Variants in ARHGEF1 observed in about 807,000 individuals in gnomAD.
The protein encoded by ARHGEF1 is Rho guanine nucleotide exchange factor 1, also known as 115 kDa guanine nucleotide exchange factor.
Under a neutral mutation model 119.7 loss-of-function variants are expected in ARHGEF1, and 40 were observed. The ratio of observed to expected loss-of-function variants is 0.33; its 90% CI spans 0.26 to 0.44. The LOEUF is 0.44. ARHGEF1 is among the 20% of genes least tolerant of loss of function. The probability of loss-of-function intolerance (pLI) is 1.00; values close to 1 mark genes in which losing one functional copy is unlikely to be tolerated. For synonymous variants in ARHGEF1, 494 were observed against 521.0 expected (o/e 0.95, Z 0.71); for missense variants, 976 against 1,268.3 (o/e 0.77, Z 3.50).
chr19:41,897,908 G>A (rs1390390333), intron 13 of ARHGEF1: 6 of 1,281,962 alleles, frequency 4.7e-6, no homozygotes, highest in Non-Finnish European at 4.9e-6. Flanking sequence ...CTCTGTCCCC[G>A]GCATCTGCCT....
At position 41,903,588 on chromosome 19, in the gene ARHGEF1, C is replaced by T. The variant is rs1010541956; in HGVS notation, c.1840-119C>T. The stretch of plus-strand genomic sequence containing the variant: ...CTCTCAGGGTCATTGGAGGTCAGGC[C>T]CAACCCTCAGCTTGCCCGCATCAGA... On this transcript the variant is annotated intron_variant, in intron 19 of 28. Coordinates refer to ENST00000354532, the MANE Select transcript of ARHGEF1 (RefSeq NM_004706.4). The surrounding 1 kb of genome is among the most constrained non-coding windows in gnomAD (Gnocchi z 4.2). The T allele has an allele frequency of 5.8e-6, 7 of 1,210,908 alleles. No homozygotes were observed. Among genetic ancestry groups the T allele is most frequent in the Non-Finnish European group, 8.2e-6 (7 of 848,900 alleles). The allele number at this position is 1,210,908 out of a possible 1,614,324, so 75.0% of individuals were successfully genotyped here.
downstream of ARHGEF1, chr19:41,908,106 C>T: frequency 1.4e-6 from 1 of 711,480 alleles, no homozygotes; most frequent in Non-Finnish European, 1.9e-6. The surrounding 1 kb of genome is among the most constrained non-coding windows in gnomAD (Gnocchi z 6.7). Flanking sequence ...GAGACTGGGG[C>T]AGCAATGTGC....
At chr19:41,897,768 T>A in intron 13 of ARHGEF1, 1 of 548,196 alleles carries the variant, frequency 1.8e-6, no homozygotes, top group Non-Finnish European at 2.9e-6. Flanking sequence ...TCTGTCCCTG[T>A]CCTCGTCTCT....
At chr19:41,922,402 G>A (rs554040283), upstream of ARHGEF1, among the ~76,000 whole-genome samples, 12 of 152,276 alleles carry the variant, frequency 7.9e-5, no homozygotes, top group Non-Finnish European at 1.6e-4. Context: ...TAGGGATGGA[G>A]CCGAGAGCTA....
downstream of ARHGEF1, among the ~76,000 whole-genome samples, chr19:41,911,907 T>C: frequency 6.7e-6 from 1 of 148,860 alleles, no homozygotes; most frequent in Admixed American, 6.7e-5. Context: ...CAGAATTCAC[T>C]CATGTGCACA....
At chr19:41,912,700 G>A (rs1431961657) in intron 18 of ARHGEF1, among the ~76,000 whole-genome samples, 1 of 152,158 alleles carries the variant, frequency 6.6e-6, no homozygotes, top group Non-Finnish European at 1.5e-5. Flanking sequence ...AAGTTTCTCA[G>A]AAGGGGTTTG....
Position 41,903,263 on chromosome 19 carries a change from C to T in ARHGEF1, c.1739-44C>T, listed in dbSNP as rs369061467. On this transcript the variant is annotated intron_variant, in intron 18 of 28. Transcript: ENST00000354532. The surrounding 1 kb of genome is among the most constrained non-coding windows in gnomAD (Gnocchi z 4.2). ...ACCTTGGCTGCCCAATCTGGAGCCT[C>T]CAGGGCAGGGGTTCACCAGAGCTGC... 1.1e-4 allele frequency: 179 copies of T among 1,583,550 alleles called. No individual in the cohort carries two copies. The African/African-American group carries it at 2.2e-3, about 19-fold the overall frequency.
chr19:41,907,638 G>A (rs998914302), downstream of ARHGEF1: 1 of 482,304 alleles, frequency 2.1e-6, no homozygotes, highest in East Asian at 3.9e-5. Context: ...GGTATGAGGC[G>A]TCTCCCTGAC....
intron 13 of ARHGEF1, chr19:41,897,721 C>T: frequency 2.2e-6 from 1 of 452,226 alleles, no homozygotes; most frequent in Non-Finnish European, 3.8e-6. Flanking sequence ...GTCCTGGTCT[C>T]TCCCTGTCTC....
rs782642615 is a variant in ARHGEF1 at position 41,896,390 on chromosome 19, C to G, written c.1029C>G (p.Pro343=). Residue 343 remains proline, a synonymous_variant, in exon 13 of 29, where the codon CCC becomes CCG. Transcript: ENST00000354532. ...TCCACCCCACAGGTGCTGACGCCCC[C>G]CTGGAGCTGGGGGACTCATCCCCGC... ...SPDREPGADA[P]LELGDSSPQG... is the part of the protein sequence containing the mutation. The G allele has an allele frequency of 7.0e-5, 101 of 1,438,306 alleles. No homozygotes were observed. The highest frequency in any genetic ancestry group is 7.7e-5 in the Non-Finnish European group (84 of 1,094,250). The allele number at this position is 1,438,306 out of a possible 1,614,324, so 89.1% of individuals were successfully genotyped here. A position where few individuals can be genotyped will look rare whatever the true frequency, so the allele number is the denominator to read the frequency against.
chr19:41,907,764 G>C, downstream of ARHGEF1: 1 of 195,110 alleles, frequency 5.1e-6, no homozygotes, highest in Non-Finnish European at 1.0e-5. Flanking sequence ...TTGGGATCAT[G>C]GGGAGCTGGT....
At chr19:41,884,317 G>T in intron 1 of ARHGEF1, 1 of 1,182,778 alleles carries the variant, frequency 8.5e-7, no homozygotes, top group Non-Finnish European at 1.2e-6. Flanking sequence ...GAGTCGTCGG[G>T]GCCGGAGCCC....
chr19:41,907,352 C>T lies in ARHGEF1; in HGVS notation c.*265C>T. 2 of 1,534,902 alleles carry T rather than the reference C, an allele frequency of 1.3e-6. No homozygotes were observed. Among genetic ancestry groups the T allele is most frequent in the South Asian group, 1.2e-5 (1 of 83,932 alleles). On this transcript the variant is annotated 3_prime_UTR_variant, in exon 29 of 29. Transcript: ENST00000354532. ...GGTGACCCGGGCCATCTCAGTATTG[C>T]CTGTGGGGGCCACCCCTCCACCCCC...
intron 13 of ARHGEF1, chr19:41,896,769 C>T (rs1599647437): frequency 1.8e-6 from 1 of 570,770 alleles, no homozygotes; most frequent in Non-Finnish European, 3.3e-6. Flanking sequence ...CTCCACCACT[C>T]CTTCCATCTC....
At chr19:41,918,360 A>G (rs1262385115), upstream of ARHGEF1, among the ~76,000 whole-genome samples, 1 of 150,188 alleles carries the variant, frequency 6.7e-6, no homozygotes, top group Non-Finnish European at 1.5e-5. Context: ...CCATACACAC[A>G]CCATACCACA....
rs782777862 is a variant in ARHGEF1, at chr19:41,898,624, A to G, written c.1267+37A>G. The G allele has an allele frequency of 2.5e-6, 4 of 1,568,968 alleles. No individual in the cohort carries two copies. The East Asian group carries it at 9.4e-5, about 37-fold the overall frequency. ...CCCCATCACCCCACTGTGGCCAAGGACACAGTCCAGCTCTGGCAAAGGCAA... is the reference window on the plus strand; with the variant it reads ...CCCCATCACCCCACTGTGGCCAAGGGCACAGTCCAGCTCTGGCAAAGGCAA... On this transcript the variant is annotated intron_variant, in intron 14 of 28. Coordinates refer to ENST00000354532, the MANE Select transcript of ARHGEF1 (RefSeq NM_004706.4).
At chr19:41,913,331 G>T (rs923063051) in intron 18 of ARHGEF1, among the ~76,000 whole-genome samples, 2 of 116,002 alleles carry the variant, frequency 1.7e-5, no homozygotes, top group Non-Finnish European at 3.4e-5. Context: ...CCGCTCTCCC[G>T]CCTGACCTCC....
Position 41,905,163 on chromosome 19 carries a change from CT to C in ARHGEF1, c.2250-9del, listed in dbSNP as rs1472427507. ...GGCTCTGACTGCCCAGGGATTTGGC[CT>C]TTCTCCCCAGCTGGTGTGCTCTCAT... is the stretch of plus-strand genomic sequence containing the variant. On this transcript the variant is annotated splice_polypyrimidine_tract_variant and intron_variant, in intron 23 of 28. Coordinates refer to ENST00000354532, the MANE Select transcript of ARHGEF1 (RefSeq NM_004706.4). This position sits in a 1 kb window ranked among gnomAD's most constrained non-coding sequence, Gnocchi z 6.4. The C allele has an allele frequency of 6.2e-7, 1 of 1,613,694 alleles. No homozygotes were observed. Among genetic ancestry groups the C allele is most frequent in the Non-Finnish European group, 8.5e-7 (1 of 1,179,814 alleles).
downstream of ARHGEF1, chr19:41,909,615 A>G (rs2074741310): frequency 3.6e-6 from 3 of 830,920 alleles, no homozygotes; most frequent in Non-Finnish European, 3.6e-6. This position sits in a 1 kb window ranked among gnomAD's most constrained non-coding sequence, Gnocchi z 5.2. Context: ...GTCCCTTAAT[A>G]GGGATCACAG....
Sources: gnomAD v4.1 joint callset for allele counts (sites outside exome capture counted in the v4.1 genomes callset) on GRCh38, gnomAD v4.1.1 for gene constraint, Gnocchi (gnomAD v3.1) non-coding constraint, MANE v1.5 for transcripts, NCBI Gene and HGNC (gene_info 2026-07-23, HGNC 2026-07-21) for gene names.